ALK: variants seen among roughly 807,000 people sequenced by gnomAD.
The protein encoded by ALK is ALK tyrosine kinase receptor.
ALK carries 74 observed loss-of-function variants against 163.1 expected under a neutral mutation model. The observed-to-expected ratio is 0.45, with a 90% CI of 0.38 to 0.55. The LOEUF (loss-of-function observed/expected upper bound fraction) is 0.55. ALK is among the 20% of genes least tolerant of loss of function. ALK has a pLI of 0.00. For synonymous variants in ALK, 960 were observed against 843.2 expected (o/e 1.14, Z -2.40); for missense variants, 2,063 against 2,105.3 (o/e 0.98, Z 0.39).
rs1572502948 is a variant in ALK at position 29,920,120 on chromosome 2, T to G, written c.540A>C (p.Gln180His). The change falls in exon 1 of 29, where the codon CAA becomes CAC. Residue 180 changes from glutamine to histidine, a missense_variant. By Grantham distance (24) the Gln-to-His change is conservative (BLOSUM62 0). This residue lies in a region of ALK where 987 missense variants were observed against 939.5 expected (regional missense o/e 1.05). Coordinates refer to ENST00000389048, the MANE Select transcript of ALK (RefSeq NM_004304.5). ...LSELFSWWIR[Q>H]GEGRLRIRLM... Reference sequence around the variant, plus strand: ...GGCGGATCCTCAGTCGCCCTTCGCCTTGGCGAATCCACCAACTGAACAGCT... The same window carrying G: ...GGCGGATCCTCAGTCGCCCTTCGCCGTGGCGAATCCACCAACTGAACAGCT... 6.2e-7 allele frequency: 1 copy of G among 1,614,076 alleles called. No homozygotes were observed. The highest frequency in any genetic ancestry group is 8.5e-7 in the Non-Finnish European group (1 of 1,180,050).
At chr2:29,574,593 G>A (rs957177889) in intron 3 of ALK, among the ~76,000 whole-genome samples, 1 of 152,246 alleles carries the variant, frequency 6.6e-6, no homozygotes, top group Non-Finnish European at 1.5e-5. Context: ...GGTATGAAGC[G>A]CCTCTTGGCA....
At chr2:29,435,661 A>G (rs185219839) in intron 4 of ALK, among the ~76,000 whole-genome samples, 1 of 152,096 alleles carries the variant, frequency 6.6e-6, no homozygotes, top group Non-Finnish European at 1.5e-5. Flanking sequence ...TAAGATTTGA[A>G]TACAGGTATG....
At chr2:29,483,283 A>T (rs1342228780) in intron 4 of ALK, among the ~76,000 whole-genome samples, 1 of 152,206 alleles carries the variant, frequency 6.6e-6, no homozygotes, top group African/African-American at 2.4e-5. Context: ...AAAAAACACC[A>T]ATGTCTAGGC....
rs1239004394 is a variant in ALK, at chr2:29,920,480, C to A, written c.180G>T (p.Val60=). Residue 60 remains valine, a synonymous_variant, in exon 1 of 29, where the codon GTG becomes GTT. Transcript: ENST00000389048. The part of the protein sequence containing the change: ...QRKSLAVDFV[V]PSLFRVYARD... The stretch of plus-strand genomic sequence containing the variant: ...GGGCGTAGACACGGAAGAGCGAGGG[C>A]ACCACGAAGTCAACTGCCAGACTCT... The A allele has an allele frequency of 1.2e-6, 2 of 1,612,910 alleles. No individual in the cohort carries two copies. The highest frequency in any genetic ancestry group is 1.7e-6 in the Non-Finnish European group (2 of 1,179,656).
chr2:29,863,152 G>A (rs747073454), intron 1 of ALK, among the ~76,000 whole-genome samples: 4 of 152,138 alleles, frequency 2.6e-5, no homozygotes, highest in African/African-American at 7.2e-5. Flanking sequence ...ACCTGAAACT[G>A]TAAAACCACA....
intron 4 of ALK, among the ~76,000 whole-genome samples, chr2:29,453,990 C>T (rs557849805): frequency 9.2e-5 from 14 of 152,250 alleles, no homozygotes; most frequent in East Asian, 1.9e-4. Flanking sequence ...GATTAACACA[C>T]GCAGTGCTCC....
At chr2:29,519,088 G>A (rs188511131) in intron 4 of ALK, among the ~76,000 whole-genome samples, 509 of 152,318 alleles carry the variant, frequency 3.3e-3, no homozygotes, top group African/African-American at 0.012. Flanking sequence ...TAAAACACAA[G>A]AGGTTTGGAG....
chr2:29,705,240 A>AT (rs1678863090), intron 2 of ALK, among the ~76,000 whole-genome samples: 1 of 47,122 alleles, frequency 2.1e-5, no homozygotes, highest in Non-Finnish European at 4.5e-5. Context: ...AAAGAAAAGA[A>AT]ATATATATAT....
At chr2:29,651,551 A>T (rs1241745201) in intron 3 of ALK, among the ~76,000 whole-genome samples, 4 of 152,150 alleles carry the variant, frequency 2.6e-5, no homozygotes, top group African/African-American at 9.7e-5. Context: ...TTTCAATAGC[A>T]TCTTCTCAGA....
At position 29,758,594 on chromosome 2, in the gene ALK, A is replaced by C. The variant is rs79535403; in HGVS notation, c.668-40897T>G. ...GATCTCATCCCTTTCTGCATTGAAT[A>C]CAGGCACCTGGCCCTCTCCTTGGCT... On this transcript the variant is annotated intron_variant, in intron 1 of 28. Coordinates refer to ENST00000389048, the MANE Select transcript of ALK (RefSeq NM_004304.5). Among the ~76,000 whole-genome samples the C allele has an allele frequency of 5.4e-3, 821 of 152,262 alleles. 10 individuals are homozygous for C. The highest frequency in any genetic ancestry group is 0.019 in the African/African-American group (783 of 41,540).
intron 4 of ALK, among the ~76,000 whole-genome samples, chr2:29,421,907 C>A (rs1404381874): frequency 1.3e-5 from 2 of 151,680 alleles, no homozygotes; most frequent in Non-Finnish European, 2.9e-5. Flanking sequence ...TGAGGAAGAA[C>A]TTTTGTTTGC....
intron 1 of ALK, among the ~76,000 whole-genome samples, chr2:29,872,591 T>C (rs2148413196): frequency 6.6e-6 from 1 of 152,312 alleles, no homozygotes; most frequent in East Asian, 1.9e-4. Flanking sequence ...TGGAAGCCTT[T>C]GTTCGCTGCT....
intron 26 of ALK, among the ~76,000 whole-genome samples, chr2:29,200,770 TAC>T (rs1491208156): frequency 1.4e-4 from 13 of 94,394 alleles, no homozygotes; most frequent in Non-Finnish European, 2.2e-4. Context: ...TGTATATATA[TAC>T]GTATATATAT....
intron 1 of ALK, among the ~76,000 whole-genome samples, chr2:29,801,680 C>T (rs187774010): frequency 1.1e-3 from 163 of 152,234 alleles, no homozygotes; most frequent in African/African-American, 3.5e-3. Context: ...TTTCTTTTTC[C>T]AGGAGGACAG....
intron 4 of ALK, among the ~76,000 whole-genome samples, chr2:29,435,803 C>A (rs932131926): frequency 1.3e-5 from 2 of 152,128 alleles, no homozygotes; most frequent in Admixed American, 1.3e-4. Context: ...CATTTGGTCA[C>A]CTTACCTCCC....
intron 3 of ALK, among the ~76,000 whole-genome samples, chr2:29,570,369 A>G (rs1201126929): frequency 6.6e-6 from 1 of 152,194 alleles, no homozygotes; most frequent in Non-Finnish European, 1.5e-5. Flanking sequence ...AAGTTGGCTT[A>G]ATTTTTAGGG....
chr2:29,290,513 C>T (rs1440692639), intron 9 of ALK, among the ~76,000 whole-genome samples: 3 of 152,206 alleles, frequency 2.0e-5, no homozygotes, highest in African/African-American at 7.2e-5. Context: ...GAGGGGCAGA[C>T]AGGCAGGAGG....
At chr2:29,524,561 A>G (rs1672902928) in intron 4 of ALK, among the ~76,000 whole-genome samples, 1 of 152,254 alleles carries the variant, frequency 6.6e-6, no homozygotes, top group Admixed American at 6.5e-5. Context: ...TACAGATCAT[A>G]GTAAAGGTGA....
At chr2:29,784,713 A>AAACAAC (rs34379763) in intron 1 of ALK, among the ~76,000 whole-genome samples, 6,326 of 150,796 alleles carry the variant, frequency 0.042, 172 homozygotes, top group South Asian at 0.068. Flanking sequence ...ACAACAACAA[A>AAACAAC]AACAACAACA....
Sources: allele counts gnomAD v4.1 joint callset (sites outside exome capture counted in the v4.1 genomes callset), GRCh38; gene constraint gnomAD v4.1.1; regional missense constraint gnomAD v4.1.1; transcripts MANE v1.5; gene names NCBI Gene and HGNC (gene_info 2026-07-23, HGNC 2026-07-21).